Variants in KNTC1 observed in about 807,000 individuals in gnomAD.
The protein encoded by KNTC1 is kinetochore-associated protein 1.
A neutral mutation model predicts 314.4 loss-of-function variants in KNTC1; 253 were observed. That is an observed-to-expected ratio of 0.80 (90% CI 0.73 to 0.89). The LOEUF (loss-of-function observed/expected upper bound fraction) is 0.89. Among genes scored for constraint, KNTC1 ranks in the 40% least tolerant of loss-of-function variants. KNTC1 has a pLI of 0.00. For synonymous variants in KNTC1, 901 were observed against 901.4 expected, an observed-to-expected ratio of 1.00 and a Z score of 0.01; for missense variants, 2,475 against 2,572.9, an observed-to-expected ratio of 0.96 and a Z score of 0.82.
intron 20 of KNTC1, among the ~76,000 whole-genome samples, chr12:122,565,460 G>A (rs529542985): frequency 5.3e-5 from 8 of 150,610 alleles, no homozygotes; most frequent in Admixed American, 2.6e-4. Context: ...GTTCTTTGTG[G>A]GTATTTCAAA....
chr12:122,580,571 G>A (rs1316806645), intron 32 of KNTC1, 32 bp from the exon 33 acceptor site: 2 of 1,323,084 alleles, frequency 1.5e-6, no homozygotes, highest in Admixed American at 2.2e-5. Flanking sequence ...GAATTTGCAT[G>A]TCTGCTATAA....
chr12:122,534,859 C>T (rs927160535), intron 3 of KNTC1, 75 bp downstream of exon 3: 12 of 1,396,790 alleles, frequency 8.6e-6, no homozygotes, highest in Non-Finnish European at 1.2e-5. Flanking sequence ...TGCTGGATTG[C>T]CTCCTCTTTA....
In KNTC1 at chr12:122,613,246, T is replaced by C; in HGVS notation, c.5741+16T>C. On this transcript the variant is annotated intron_variant, in intron 54 of 63. Coordinates refer to ENST00000333479, the MANE Select transcript of KNTC1 (RefSeq NM_014708.6). ...AAGAAGTGAAGTAAGTAGAAATGTTTAAATTGTATTAAGAAATAGGAAACA... is the reference window on the plus strand; with the variant it reads ...AAGAAGTGAAGTAAGTAGAAATGTTCAAATTGTATTAAGAAATAGGAAACA... The C allele has an allele frequency of 6.9e-7, 1 of 1,444,712 alleles. No individual in the cohort carries two copies. The highest frequency in any genetic ancestry group is 9.7e-7 in the Non-Finnish European group (1 of 1,031,892). 89.5% of individuals were successfully genotyped at this position (1,444,712 alleles called of 1,614,324 possible). A position where few individuals can be genotyped will look rare whatever the true frequency, so the allele number is the denominator to read the frequency against.
At chr12:122,545,625 C>T (rs1433174700) in intron 8 of KNTC1, among the ~76,000 whole-genome samples, 2 of 152,112 alleles carry the variant, frequency 1.3e-5, no homozygotes, top group Non-Finnish European at 2.9e-5. Flanking sequence ...CACTGCATGT[C>T]TTTAGTGCTA....
intron 3 of KNTC1, among the ~76,000 whole-genome samples, chr12:122,537,045 A>G (rs1276301873): frequency 6.6e-6 from 1 of 152,180 alleles, no homozygotes. Context: ...CCATTTGTGA[A>G]AAGACATTGT....
chr12:122,598,187 G>A (rs1271406521), intron 44 of KNTC1, among the ~76,000 whole-genome samples: 1 of 152,084 alleles, frequency 6.6e-6, no homozygotes, highest in Admixed American at 6.6e-5. Flanking sequence ...GAGCTAGAGA[G>A]AAATGTATAA....
chr12:122,618,658 C>T, intron 59 of KNTC1, 113 bp downstream of exon 59: 1 of 826,030 alleles, frequency 1.2e-6, no homozygotes, highest in South Asian at 1.5e-5. Context: ...TTAAGCATAA[C>T]ACGTGTTTGT....
intron 3 of KNTC1, among the ~76,000 whole-genome samples, chr12:122,535,661 C>G (rs1228178192): frequency 6.6e-6 from 1 of 150,556 alleles, no homozygotes; most frequent in Non-Finnish European, 1.5e-5. Flanking sequence ...ACAACAACAA[C>G]AAAAATTAGC....
chr12:122,553,808 A>G (rs1963362606), intron 16 of KNTC1, among the ~76,000 whole-genome samples: 1 of 152,098 alleles, frequency 6.6e-6, no homozygotes, highest in Non-Finnish European at 1.5e-5. Context: ...CCAAGGAAGC[A>G]GTAAGTTTTA....
chr12:122,597,630 A>T, intron 43 of KNTC1, 101 bp from the exon 44 acceptor site: 1 of 940,818 alleles, frequency 1.1e-6, no homozygotes, highest in Non-Finnish European at 1.7e-6. Context: ...GACAAGGTTA[A>T]ATTTCAACAA....
chr12:122,617,277 G>T (rs1873866713), intron 57 of KNTC1: 1 of 310,776 alleles, frequency 3.2e-6, no homozygotes, highest in Non-Finnish European at 6.6e-6. Flanking sequence ...GCCTTTTGAG[G>T]TATTTTATTA....
chr12:122,534,801 G>T lies in KNTC1; in HGVS notation c.250+17G>T. ...TTGTCTTTGGTAAGTATAATGTAGT[G>T]AATGAAGTAAGATAAATTGGAAGTC... On this transcript the variant is annotated intron_variant, in intron 3 of 63. Coordinates refer to ENST00000333479, the MANE Select transcript of KNTC1 (RefSeq NM_014708.6). 6.2e-7 allele frequency: 1 copy of T among 1,606,882 alleles called. No homozygotes were observed. Among genetic ancestry groups the T allele is most frequent in the Non-Finnish European group, 8.5e-7 (1 of 1,174,554 alleles).
At chr12:122,606,408 G>A (rs941616991) in intron 51 of KNTC1, among the ~76,000 whole-genome samples, 10 of 151,720 alleles carry the variant, frequency 6.6e-5, no homozygotes, top group Admixed American at 2.0e-4. Context: ...AGTAGAGTTG[G>A]GGTTTCACCA....
At chr12:122,543,037 C>T (rs1482153626) in intron 6 of KNTC1, among the ~76,000 whole-genome samples, 2 of 152,044 alleles carry the variant, frequency 1.3e-5, no homozygotes, top group Non-Finnish European at 2.9e-5. Context: ...CTCAGTCTCC[C>T]AAGTAACTGG....
At position 122,585,759 on chromosome 12, in the gene KNTC1, C is replaced by T; in HGVS notation, c.3658C>T (p.Leu1220Phe). Reference sequence around the variant, plus strand: ...AGTGATTTATGAACTGATTTCATCTCTTGTGCCTCTAGCTGGTAAGTCTTA... The same window carrying T: ...AGTGATTTATGAACTGATTTCATCTTTTGTGCCTCTAGCTGGTAAGTCTTA... ...LPVIYELISS[L>F]VPLAESKRYP... is the part of the protein sequence containing the mutation. The change falls in exon 37 of 64, where the codon CTT (leucine) becomes TTT (phenylalanine). Residue 1220 changes from leucine to phenylalanine, a missense_variant. Physicochemically the swap from Leu to Phe is conservative, Grantham distance 22 (BLOSUM62 0). Transcript: ENST00000333479. The T allele has an allele frequency of 6.2e-7, 1 of 1,613,664 alleles. No homozygotes were observed.
At chr12:122,549,308 C>T (rs961451970) in intron 12 of KNTC1, among the ~76,000 whole-genome samples, 3 of 152,004 alleles carry the variant, frequency 2.0e-5, no homozygotes, top group Non-Finnish European at 2.9e-5. Flanking sequence ...CCGCCTGCCT[C>T]GGCCTCCCAA....
chr12:122,562,099 C>T, intron 19 of KNTC1, 125 bp downstream of exon 19: 1 of 899,770 alleles, frequency 1.1e-6, no homozygotes, highest in Non-Finnish European at 1.7e-6. Context: ...TTCTTATCTG[C>T]AAAATGGTAA....
intron 19 of KNTC1, among the ~76,000 whole-genome samples, chr12:122,562,333 G>T (rs1361255044): frequency 2.6e-5 from 4 of 151,958 alleles, no homozygotes; most frequent in African/African-American, 9.7e-5. Flanking sequence ...TTTACCATAA[G>T]AATTTAGAAA....
intron 22 of KNTC1, among the ~76,000 whole-genome samples, chr12:122,570,401 C>G (rs1197656962): frequency 1.3e-5 from 2 of 151,540 alleles, no homozygotes; most frequent in Admixed American, 6.6e-5. Context: ...CCTGTAATCA[C>G]AGCCACTCGG....
Sources: allele counts gnomAD v4.1 joint callset (sites outside exome capture counted in the v4.1 genomes callset), GRCh38; gene constraint gnomAD v4.1.1; transcripts MANE v1.5; gene names NCBI Gene and HGNC (gene_info 2026-07-23, HGNC 2026-07-21).